Variants in ADAMTS12 observed in about 807,000 individuals in gnomAD.
ADAMTS12 encodes A disintegrin and metalloproteinase with thrombospondin motifs 12.
In ADAMTS12, 118 loss-of-function variants were observed where a neutral mutation model predicts 167.8. The observed-to-expected ratio is 0.70, with a 90% CI of 0.61 to 0.82. The LOEUF (loss-of-function observed/expected upper bound fraction) is 0.82, where lower values mean the gene tolerates loss of function less well. ADAMTS12 is among the 40% of genes least tolerant of loss of function. The probability of loss-of-function intolerance (pLI) is 0.00; values close to 1 mark genes in which losing one functional copy is unlikely to be tolerated. For missense variants in ADAMTS12, 1,916 were observed against 1,998.8 expected, an observed-to-expected ratio of 0.96 and a Z score of 0.79; for synonymous variants, 704 against 716.9, an observed-to-expected ratio of 0.98 and a Z score of 0.29.
chr5:33,557,078 A>G (rs1032442735), intron 20 of ADAMTS12, among the ~76,000 whole-genome samples: 2 of 152,200 alleles, frequency 1.3e-5, no homozygotes, highest in African/African-American at 4.8e-5. Context: ...TATGAGAGAA[A>G]TAAGCCAGTA....
intron 20 of ADAMTS12, among the ~76,000 whole-genome samples, chr5:33,556,450 A>C (rs539398847): frequency 6.6e-6 from 1 of 152,338 alleles, no homozygotes; most frequent in South Asian, 2.1e-4. Flanking sequence ...TAGAGATCTG[A>C]ATGTCTCAGT....
chr5:33,695,443 A>G (rs1308890276), intron 3 of ADAMTS12, among the ~76,000 whole-genome samples: 3 of 152,250 alleles, frequency 2.0e-5, no homozygotes, highest in African/African-American at 7.2e-5. Flanking sequence ...TATTTTAAAG[A>G]GTAACTTCCT....
intron 2 of ADAMTS12, among the ~76,000 whole-genome samples, chr5:33,837,422 T>C (rs1579979349): frequency 6.6e-6 from 1 of 152,236 alleles, no homozygotes; most frequent in South Asian, 2.1e-4. Flanking sequence ...AAAGATGTAC[T>C]GGAGAAAGTC....
chr5:33,616,888 G>A (rs904447465), intron 14 of ADAMTS12, among the ~76,000 whole-genome samples: 1 of 152,144 alleles, frequency 6.6e-6, no homozygotes, highest in African/African-American at 2.4e-5. Flanking sequence ...AACACTTAAT[G>A]GTTGCCAGTG....
intron 2 of ADAMTS12, among the ~76,000 whole-genome samples, chr5:33,875,199 C>A (rs1202381549): frequency 6.6e-6 from 1 of 152,094 alleles, no homozygotes; most frequent in African/African-American, 2.4e-5. Flanking sequence ...AGGTGGAGCA[C>A]AGAAAATTCT....
intron 3 of ADAMTS12, among the ~76,000 whole-genome samples, chr5:33,724,664 G>GT (rs748391961): frequency 6.6e-6 from 1 of 151,418 alleles, no homozygotes; most frequent in Non-Finnish European, 1.5e-5. Context: ...CCATTCTCCT[G>GT]TCTCAGCCTC....
chr5:33,635,672 A>T (rs1367230593), intron 12 of ADAMTS12, among the ~76,000 whole-genome samples: 1 of 152,182 alleles, frequency 6.6e-6, no homozygotes, highest in Admixed American at 6.5e-5. Flanking sequence ...GATGCCTGGG[A>T]GGCTGTAAGG....
intron 22 of ADAMTS12, among the ~76,000 whole-genome samples, chr5:33,540,770 A>G (rs1208940879): frequency 2.0e-5 from 3 of 152,244 alleles, no homozygotes; most frequent in Non-Finnish European, 4.4e-5. Context: ...ACTAACAAAC[A>G]GAAAGGAATA....
chr5:33,737,146 G>A (rs1487133750), intron 3 of ADAMTS12, among the ~76,000 whole-genome samples: 1 of 152,190 alleles, frequency 6.6e-6, no homozygotes, highest in African/African-American at 2.4e-5. Context: ...AATGGCCCTT[G>A]TTCTTGTTAC....
At chr5:33,564,684 A>G (rs1350453295) in intron 19 of ADAMTS12, among the ~76,000 whole-genome samples, 1 of 152,164 alleles carries the variant, frequency 6.6e-6, no homozygotes, top group Admixed American at 6.5e-5. Context: ...CACCATTGGC[A>G]TTTGGGACTC....
rs1749585481 is a variant in ADAMTS12 at position 33,860,939 on chromosome 5, A to AT, written c.489+20179dup. Among the ~76,000 whole-genome samples the AT allele has an allele frequency of 2.0e-5, 3 of 152,360 alleles. No homozygotes were observed. The South Asian group carries it at 6.2e-4, about 32-fold the overall frequency. On this transcript the variant is annotated intron_variant, in intron 2 of 23. Transcript: ENST00000504830. The stretch of plus-strand genomic sequence containing the variant: ...TTCATATTCAGCCAAACTAAGCTTC[A>AT]TAAGCAAAGGAGAAATAAAATCCTT...
chr5:33,721,242 A>G (rs7720544), intron 3 of ADAMTS12, among the ~76,000 whole-genome samples: 92,779 of 152,024 alleles, frequency 0.61, 29,636 homozygotes, highest in Non-Finnish European at 0.71. Flanking sequence ...GGCCCCGGAG[A>G]GTCTTCTGGG....
At chr5:33,606,001 G>A (rs1267642231) in intron 16 of ADAMTS12, among the ~76,000 whole-genome samples, 2 of 152,048 alleles carry the variant, frequency 1.3e-5, no homozygotes, top group African/African-American at 4.8e-5. Context: ...AGCCTGGAAT[G>A]CAGAGGTGCA....
intron 7 of ADAMTS12, among the ~76,000 whole-genome samples, chr5:33,657,415 T>A (rs1741100737): frequency 6.6e-6 from 1 of 152,148 alleles, no homozygotes; most frequent in South Asian, 2.1e-4. Context: ...CAGTTTCCTA[T>A]TAGTATGATG....
intron 19 of ADAMTS12, among the ~76,000 whole-genome samples, chr5:33,573,407 G>C (rs527434714): frequency 1.3e-5 from 2 of 152,292 alleles, no homozygotes; most frequent in East Asian, 3.9e-4. Context: ...CAGAGACATA[G>C]ATCAATGGAA....
At chr5:33,639,290 T>A (rs3935845) in intron 11 of ADAMTS12, among the ~76,000 whole-genome samples, 85,178 of 151,878 alleles carry the variant, frequency 0.56, 24,594 homozygotes, top group Non-Finnish European at 0.62. Context: ...GAGAAGAGAG[T>A]GCAAATGAAG....
chr5:33,760,185 A>C (rs1041972567), intron 2 of ADAMTS12, among the ~76,000 whole-genome samples: 1 of 152,080 alleles, frequency 6.6e-6, no homozygotes, highest in Non-Finnish European at 1.5e-5. Flanking sequence ...CCCAACCCCC[A>C]AATGGCATAG....
intron 19 of ADAMTS12, among the ~76,000 whole-genome samples, chr5:33,572,235 C>T (rs961962152): frequency 1.1e-4 from 17 of 152,238 alleles, no homozygotes; most frequent in Admixed American, 1.0e-3. Flanking sequence ...GGAATCCTCC[C>T]TAACTCATTT....
intron 21 of ADAMTS12, 151 bp from the exon 22 acceptor site, chr5:33,546,353 CT>C: frequency 1.6e-6 from 1 of 610,482 alleles, no homozygotes; most frequent in Non-Finnish European, 2.4e-6. Flanking sequence ...CTGCAAATTC[CT>C]TACAATGACC....
Sources: gnomAD v4.1 joint callset for allele counts (sites outside exome capture counted in the v4.1 genomes callset) on GRCh38, gnomAD v4.1.1 for gene constraint, MANE v1.5 for transcripts, NCBI Gene and HGNC (gene_info 2026-07-23, HGNC 2026-07-21) for gene names.